The following VAT1L variants were observed in gnomAD, a reference collection of about 807,000 sequenced individuals.
The protein encoded by VAT1L is putative NADPH-dependent quinone oxidoreductase VAT1L.
In VAT1L, 34 loss-of-function variants were observed where a neutral mutation model predicts 44.1. The ratio of observed to expected loss-of-function variants is 0.77; its 90% CI spans 0.59 to 1.03. The LOEUF (loss-of-function observed/expected upper bound fraction) is 1.03. VAT1L is among the 50% of genes least tolerant of loss of function. The probability of loss-of-function intolerance (pLI) is 0.00; values close to 1 mark genes in which losing one functional copy is unlikely to be tolerated. For synonymous variants in VAT1L, 253 were observed against 202.2 expected (o/e 1.25, Z -2.13); for missense variants, 615 against 538.8 (o/e 1.14, Z -1.40).
intron 7 of VAT1L, among the ~76,000 whole-genome samples, chr16:77,912,007 C>G (rs1228685569): frequency 6.6e-6 from 1 of 152,154 alleles, no homozygotes; most frequent in African/African-American, 2.4e-5. Context: ...TCTTTGTAGT[C>G]TCATCTTGGA....
At chr16:77,904,495 T>C (rs1352668694) in intron 7 of VAT1L, among the ~76,000 whole-genome samples, 3 of 152,182 alleles carry the variant, frequency 2.0e-5, no homozygotes, top group Non-Finnish European at 4.4e-5. Context: ...CCTCTCACTG[T>C]GTCCTCACGC....
intron 2 of VAT1L, among the ~76,000 whole-genome samples, chr16:77,823,593 C>T (rs1217795822): frequency 6.6e-6 from 1 of 152,152 alleles, no homozygotes; most frequent in African/African-American, 2.4e-5. Context: ...GTCTCAGTTT[C>T]TTCAAAATTA....
rs1360737979 is a variant in VAT1L at position 77,848,761 on chromosome 16, T to A, written c.580-13987T>A. Among the ~76,000 whole-genome samples the A allele has an allele frequency of 2.0e-5, 3 of 152,242 alleles. No homozygotes were observed. The East Asian group carries it at 5.8e-4, about 29-fold the overall frequency. On this transcript the variant is annotated intron_variant, in intron 3 of 8. Coordinates refer to ENST00000302536, the MANE Select transcript of VAT1L (RefSeq NM_020927.3). ...AGAACCTACCCAGTATAGGGCACTG[T>A]TCACAGTAGCAAAAACTTGGAACCC...
At chr16:77,975,230 A>C (rs549447564) in intron 8 of VAT1L, among the ~76,000 whole-genome samples, 7 of 57,030 alleles carry the variant, frequency 1.2e-4, no homozygotes, top group Non-Finnish European at 2.6e-4. Flanking sequence ...TTTTTTTTTA[A>C]AGACAGTCTC....
intron 7 of VAT1L, among the ~76,000 whole-genome samples, chr16:77,889,841 C>A (rs1286979064): frequency 1.3e-5 from 2 of 152,270 alleles, no homozygotes; most frequent in South Asian, 2.1e-4. Context: ...AATCCCAGCA[C>A]TTTGGGAGGC....
intron 1 of VAT1L, among the ~76,000 whole-genome samples, chr16:77,798,961 C>T (rs988337194): frequency 6.6e-6 from 1 of 151,992 alleles, no homozygotes; most frequent in African/African-American, 2.4e-5. Context: ...CCTCTCCTTC[C>T]CCTTCCATCT....
intron 7 of VAT1L, among the ~76,000 whole-genome samples, chr16:77,954,237 G>A (rs912546448): frequency 6.6e-6 from 1 of 152,206 alleles, no homozygotes; most frequent in Non-Finnish European, 1.5e-5. Flanking sequence ...TGTTGCCCTG[G>A]AGTGAAAAGG....
chr16:77,904,573 C>G (rs2017420491), intron 7 of VAT1L, among the ~76,000 whole-genome samples: 1 of 152,178 alleles, frequency 6.6e-6, no homozygotes, highest in Non-Finnish European at 1.5e-5. Context: ...GCCGTTATGA[C>G]CTCATCTAAT....
chr16:77,914,887 A>C (rs2142488513), intron 7 of VAT1L, among the ~76,000 whole-genome samples: 1 of 152,310 alleles, frequency 6.6e-6, no homozygotes, highest in South Asian at 2.1e-4. Context: ...GCACTTTGGG[A>C]GACTAAGGCA....
At chr16:77,804,074 G>C (rs951540681) in intron 1 of VAT1L, among the ~76,000 whole-genome samples, 1 of 152,184 alleles carries the variant, frequency 6.6e-6, no homozygotes, top group Non-Finnish European at 1.5e-5. Context: ...GGAAGGCAGA[G>C]ATGTCATTGT....
chr16:77,920,549 T>C (rs1352647172), intron 7 of VAT1L, among the ~76,000 whole-genome samples: 4 of 152,234 alleles, frequency 2.6e-5, no homozygotes, highest in Non-Finnish European at 5.9e-5. Flanking sequence ...TATGTCAATA[T>C]ATGTATATGA....
At chr16:77,829,709 T>C (rs569721071) in intron 3 of VAT1L, among the ~76,000 whole-genome samples, 2 of 152,308 alleles carry the variant, frequency 1.3e-5, no homozygotes, top group South Asian at 4.2e-4. Flanking sequence ...TCGAGTTTTG[T>C]TGCCAGTCCC....
At chr16:77,840,275 G>C (rs1337524952) in intron 3 of VAT1L, among the ~76,000 whole-genome samples, 1 of 152,200 alleles carries the variant, frequency 6.6e-6, no homozygotes, top group Non-Finnish European at 1.5e-5. Flanking sequence ...TGGGGAGGCA[G>C]GGAGGCAGGT....
chr16:77,874,617 G>A (rs139308807), intron 4 of VAT1L, among the ~76,000 whole-genome samples: 1 of 152,056 alleles, frequency 6.6e-6, no homozygotes, highest in African/African-American at 2.4e-5. Context: ...CCCTTCCCCA[G>A]GGATGCCTCT....
intron 3 of VAT1L, among the ~76,000 whole-genome samples, chr16:77,837,485 G>A (rs2016652073): frequency 6.6e-6 from 1 of 152,192 alleles, no homozygotes; most frequent in Non-Finnish European, 1.5e-5. Context: ...GGCAGGGATG[G>A]TGTGAACCCT....
chr16:77,901,435 A>C (rs920592007), intron 7 of VAT1L, among the ~76,000 whole-genome samples: 1 of 152,054 alleles, frequency 6.6e-6, no homozygotes. Flanking sequence ...AAGTGCTGGG[A>C]TTACAGGCGT....
intron 1 of VAT1L, among the ~76,000 whole-genome samples, chr16:77,815,287 C>A (rs937213361): frequency 1.3e-5 from 2 of 152,198 alleles, no homozygotes; most frequent in Non-Finnish European, 2.9e-5. Context: ...AATTAGCACT[C>A]AAACTGGCAG....
chr16:77,859,156 TG>T (rs1390217816), intron 3 of VAT1L, among the ~76,000 whole-genome samples: 1 of 151,462 alleles, frequency 6.6e-6, no homozygotes, highest in Non-Finnish European at 1.5e-5. Flanking sequence ...AAAAACTATT[TG>T]GGTGTGGTGG....
intron 7 of VAT1L, among the ~76,000 whole-genome samples, chr16:77,918,154 A>G (rs1475775699): frequency 6.6e-6 from 1 of 152,228 alleles, no homozygotes; most frequent in African/African-American, 2.4e-5. Flanking sequence ...AATTGGCTCA[A>G]GAAACTGGAA....
Sources: allele counts gnomAD v4.1 joint callset (sites outside exome capture counted in the v4.1 genomes callset), GRCh38; gene constraint gnomAD v4.1.1; transcripts MANE v1.5; gene names NCBI Gene and HGNC (gene_info 2026-07-23, HGNC 2026-07-21).